The following BICDL1 variants were observed in gnomAD, a reference collection of about 807,000 sequenced individuals.
BICDL1 encodes BICD family like cargo adaptor 1, also known as BICD family-like cargo adapter 1.
A neutral mutation model predicts 76.8 loss-of-function variants in BICDL1; 20 were observed. The observed-to-expected ratio is 0.26, with a 90% CI of 0.18 to 0.38. The LOEUF (loss-of-function observed/expected upper bound fraction) is 0.38. Among genes scored for constraint, BICDL1 ranks in the 10% least tolerant of loss-of-function variants. The probability of loss-of-function intolerance (pLI) is 1.00; values close to 1 mark genes in which losing one functional copy is unlikely to be tolerated. For missense variants in BICDL1, 700 were observed against 798.6 expected (o/e 0.88, Z 1.49); for synonymous variants, 383 against 337.1 (o/e 1.14, Z -1.49).
intron 2 of BICDL1, among the ~76,000 whole-genome samples, chr12:120,031,783 T>C (rs993187264): frequency 6.6e-6 from 1 of 152,142 alleles, no homozygotes; most frequent in Non-Finnish European, 1.5e-5. Context: ...ATGTCTACTG[T>C]CTTGACAGTC....
At chr12:120,042,530 C>T (rs1372263374) in intron 2 of BICDL1, among the ~76,000 whole-genome samples, 2 of 152,038 alleles carry the variant, frequency 1.3e-5, no homozygotes, top group Non-Finnish European at 2.9e-5. Context: ...TCAGGCCGGG[C>T]GTGGTGGCTC....
intron 2 of BICDL1, among the ~76,000 whole-genome samples, chr12:120,049,076 A>C (rs1444116073): frequency 6.6e-6 from 1 of 152,238 alleles, no homozygotes; most frequent in African/African-American, 2.4e-5. Context: ...TGAAGGACTC[A>C]TAAGAAGATA....
chr12:120,030,620 G>A (rs2138758766), intron 2 of BICDL1, among the ~76,000 whole-genome samples: 1 of 152,342 alleles, frequency 6.6e-6, no homozygotes, highest in Admixed American at 6.5e-5. Flanking sequence ...TAACATTATT[G>A]ATAGGTAGCA....
intron 2 of BICDL1, among the ~76,000 whole-genome samples, chr12:120,023,666 T>C (rs1222709794): frequency 6.6e-6 from 1 of 152,090 alleles, no homozygotes; most frequent in Non-Finnish European, 1.5e-5. Flanking sequence ...GGCAGGCACC[T>C]GTAATCCCAG....
intron 2 of BICDL1, among the ~76,000 whole-genome samples, chr12:120,036,091 C>G (rs1952525537): frequency 6.6e-6 from 1 of 152,178 alleles, no homozygotes; most frequent in Non-Finnish European, 1.5e-5. Flanking sequence ...AGATCTGTTT[C>G]ACTGGTGATG....
chr12:119,998,501 T>C lies in BICDL1; in HGVS notation c.430-20T>C. 1.3e-6 allele frequency: 2 copies of C among 1,574,610 alleles called. No homozygotes were observed. The highest frequency in any genetic ancestry group is 1.7e-6 in the Non-Finnish European group (2 of 1,163,120). ...TGTGGAATTTTTATCAGTGTTTAAATCCCTTCACTTTTCACCCAGCACTTA... is the reference window on the plus strand; with the variant it reads ...TGTGGAATTTTTATCAGTGTTTAAACCCCTTCACTTTTCACCCAGCACTTA... On this transcript the variant is annotated intron_variant, in intron 1 of 9. Transcript: ENST00000548673.
At chr12:120,028,760 C>T (rs1167970839) in intron 2 of BICDL1, among the ~76,000 whole-genome samples, 1 of 152,118 alleles carries the variant, frequency 6.6e-6, no homozygotes, top group Non-Finnish European at 1.5e-5. Flanking sequence ...GTAGTCCCAG[C>T]TACTTGGAAG....
At chr12:120,090,996 T>A (rs1874912467) in intron 9 of BICDL1, 22 of 1,288,892 alleles carry the variant, frequency 1.7e-5, no homozygotes, top group Non-Finnish European at 2.0e-5. Context: ...ACAGCTTTAG[T>A]TGTACACCCC....
intron 6 of BICDL1, among the ~76,000 whole-genome samples, chr12:120,074,088 T>C (rs1168966238): frequency 6.6e-6 from 1 of 152,104 alleles, no homozygotes; most frequent in Non-Finnish European, 1.5e-5. Flanking sequence ...TAATTTTTTG[T>C]ATTTTTAGTA....
chr12:120,084,119 C>T (rs1171741525), intron 8 of BICDL1, among the ~76,000 whole-genome samples: 3 of 152,184 alleles, frequency 2.0e-5, no homozygotes, highest in Non-Finnish European at 4.4e-5. Context: ...TCTCATGCCT[C>T]AGCCTCCCGA....
intron 8 of BICDL1, among the ~76,000 whole-genome samples, chr12:120,083,584 C>T (rs1014451511): frequency 6.6e-6 from 1 of 151,404 alleles, no homozygotes; most frequent in Non-Finnish European, 1.5e-5. Flanking sequence ...AGATAGTTAC[C>T]AAAAATGTGT....
At chr12:120,086,255 C>A (rs765243971) in intron 8 of BICDL1, among the ~76,000 whole-genome samples, 4 of 152,168 alleles carry the variant, frequency 2.6e-5, no homozygotes, top group Non-Finnish European at 5.9e-5. Flanking sequence ...GAGGATAGTT[C>A]TTTTCCCATA....
chr12:120,073,827 T>C (rs2138954177), intron 6 of BICDL1, among the ~76,000 whole-genome samples: 1 of 152,358 alleles, frequency 6.6e-6, no homozygotes, highest in South Asian at 2.1e-4. Context: ...TGTGATGGTG[T>C]GCTATTCCCA....
In BICDL1 at chr12:120,080,890, A is replaced by G; in HGVS notation, c.1456A>G (p.Thr486Ala). 6.2e-7 allele frequency: 1 copy of G among 1,613,136 alleles called. No individual in the cohort carries two copies. Among genetic ancestry groups the G allele is most frequent in the Non-Finnish European group, 8.5e-7 (1 of 1,179,508 alleles). ...ACCATATTCATTCTCCTGTTAGGTG[A>G]CACTGCTGAGTGTGGAGATGACTGC... The part of the protein sequence containing the change: ...EELQRLHSQV[T>A]LLSVEMTALK... Residue 486 changes from threonine to alanine, a missense_variant, in exon 8 of 10, where the codon ACA (threonine) becomes GCA (alanine). Around this residue, in one of 3 missense-constraint regions of BICDL1, gnomAD observed 455 missense variants for 548.7 expected, o/e 0.83. Coordinates refer to ENST00000548673, the MANE Select transcript of BICDL1 (RefSeq NM_001367886.1).
chr12:120,023,473 A>G (rs918652383), intron 2 of BICDL1, among the ~76,000 whole-genome samples: 2 of 152,190 alleles, frequency 1.3e-5, no homozygotes, highest in Non-Finnish European at 2.9e-5. Context: ...AAAATTCACA[A>G]TGTCTGACAT....
At chr12:120,069,332 G>A (rs897657613) in intron 4 of BICDL1, among the ~76,000 whole-genome samples, 1 of 152,198 alleles carries the variant, frequency 6.6e-6, no homozygotes, top group Non-Finnish European at 1.5e-5. Context: ...GTTAGACATG[G>A]CAAAACTGTG....
chr12:120,031,034 T>C (rs1231198860), intron 2 of BICDL1, among the ~76,000 whole-genome samples: 1 of 152,160 alleles, frequency 6.6e-6, no homozygotes, highest in East Asian at 1.9e-4. Context: ...CAACAATTAT[T>C]AAGAACTGAC....
At chr12:120,092,113 G>A (rs982167421) in intron 9 of BICDL1, 12 of 985,314 alleles carry the variant, frequency 1.2e-5, no homozygotes, top group Admixed American at 1.2e-4. Context: ...TAAAGCAGGA[G>A]TTTTCAAACT....
rs192357455 is a variant in BICDL1, at chr12:120,058,472, G to C, written c.646-3238G>C. The stretch of plus-strand genomic sequence containing the variant: ...AGATCAGCTACCTGAATTACCCAGT[G>C]CTCTGCACATCTAAGTATGTTTGAA... On this transcript the variant is annotated intron_variant, in intron 2 of 9. Transcript: ENST00000548673. Among the ~76,000 whole-genome samples the C allele has an allele frequency of 7.0e-4, 106 of 152,256 alleles. 1 individual carries two copies. Among genetic ancestry groups the C allele is most frequent in the African/African-American group, 2.5e-3 (102 of 41,550 alleles).
Sources: gnomAD v4.1 joint callset for allele counts (sites outside exome capture counted in the v4.1 genomes callset) on GRCh38, gnomAD v4.1.1 for gene constraint, gnomAD v4.1.1 regional missense constraint, MANE v1.5 for transcripts, NCBI Gene and HGNC (gene_info 2026-07-23, HGNC 2026-07-21) for gene names.